The following TMEM38B variants were observed in gnomAD, a reference collection of about 807,000 sequenced individuals.
TMEM38B encodes the protein trimeric intracellular cation channel type B.
TMEM38B carries 24 observed loss-of-function variants against 28.7 expected under a neutral mutation model. The ratio of observed to expected loss-of-function variants is 0.84; its 90% confidence interval spans 0.61 to 1.18. TMEM38B has a LOEUF of 1.18. Ranked by LOEUF, TMEM38B falls within the 50% of genes most tolerant of loss-of-function variation. The probability of loss-of-function intolerance (pLI) is 0.00; values close to 1 mark genes in which losing one functional copy is unlikely to be tolerated. For synonymous variants in TMEM38B, 131 were observed against 127.7 expected, an observed-to-expected ratio of 1.03 and a Z score of -0.17; for missense variants, 380 against 350.9, an observed-to-expected ratio of 1.08 and a Z score of -0.66.
chr9:105,731,005 C>CAA (rs1564399333), intron 4 of TMEM38B, among the ~76,000 whole-genome samples: 1 of 151,880 alleles, frequency 6.6e-6, no homozygotes, highest in Non-Finnish European at 1.5e-5. Flanking sequence ...GTTATCTTTT[C>CAA]AAAAAACCAG....
intron 5 of TMEM38B, among the ~76,000 whole-genome samples, chr9:105,765,872 G>T (rs1352702206): frequency 2.0e-5 from 3 of 151,884 alleles, no homozygotes; most frequent in Non-Finnish European, 2.9e-5. Flanking sequence ...TGTGATCTTG[G>T]CTCACTGCAA....
chr9:105,738,299 C>A (rs1837059464), intron 4 of TMEM38B, among the ~76,000 whole-genome samples: 1 of 151,994 alleles, frequency 6.6e-6, no homozygotes, highest in Admixed American at 6.5e-5. Flanking sequence ...TTTACCTTTT[C>A]TTGGAAGAGA....
chr9:105,715,831 A>T (rs1390485170), intron 2 of TMEM38B, among the ~76,000 whole-genome samples: 1 of 151,996 alleles, frequency 6.6e-6, no homozygotes, highest in Non-Finnish European at 1.5e-5. Context: ...TTGAAATCAT[A>T]GTTTACAGTT....
chr9:105,694,547 G>A lies in TMEM38B; in HGVS notation c.-114G>A, dbSNP rs1305488305. ...GGCGCCAGGGCGCACGCGCGGAGCT[G>A]GAGCCGGCGCGGAGGAGCGGGCGGC... On this transcript the variant is annotated 5_prime_UTR_variant, in exon 1 of 6. Coordinates refer to ENST00000374692, the MANE Select transcript of TMEM38B (RefSeq NM_018112.3). The A allele has an allele frequency of 4.5e-6, 3 of 672,702 alleles. No homozygotes were observed. The highest frequency in any genetic ancestry group is 3.9e-5 in the African/African-American group (2 of 51,570). 41.7% of individuals were successfully genotyped at this position (672,702 alleles called of 1,614,324 possible). A position where few individuals can be genotyped will look rare whatever the true frequency, so the allele number is the denominator to read the frequency against.
intron 4 of TMEM38B, among the ~76,000 whole-genome samples, chr9:105,745,632 T>C (rs1218677524): frequency 6.6e-6 from 1 of 152,174 alleles, no homozygotes; most frequent in Non-Finnish European, 1.5e-5. Context: ...TTGCCATTGC[T>C]TTTGGTGTTT....
chr9:105,759,936 AAGC>A (rs1299738134), intron 5 of TMEM38B: 127 of 1,587,238 alleles, frequency 8.0e-5, no homozygotes, highest in Non-Finnish European at 1.0e-4. Flanking sequence ...ATGTTGGACA[AAGC>A]AGCACAAGTG....
intron 4 of TMEM38B, among the ~76,000 whole-genome samples, chr9:105,739,797 T>A (rs7868879): frequency 0.022 from 3,301 of 151,878 alleles, 112 homozygotes; most frequent in African/African-American, 0.076. Flanking sequence ...AATGTTGGGA[T>A]TATGGGCATG....
At chr9:105,765,250 A>T (rs1465720186) in intron 5 of TMEM38B, among the ~76,000 whole-genome samples, 5 of 152,250 alleles carry the variant, frequency 3.3e-5, no homozygotes, top group African/African-American at 1.2e-4. Flanking sequence ...AAAATGCTTT[A>T]GCAAAGTAGC....
chr9:105,758,219 C>T, intron 5 of TMEM38B: 1 of 660,156 alleles, frequency 1.5e-6, no homozygotes, highest in Non-Finnish European at 2.7e-6. Flanking sequence ...CTGGAATGCC[C>T]TTCAGGCGGG....
intron 5 of TMEM38B, among the ~76,000 whole-genome samples, chr9:105,761,173 A>G (rs1164240836): frequency 6.6e-6 from 1 of 152,204 alleles, no homozygotes; most frequent in African/African-American, 2.4e-5. Flanking sequence ...GTTTCTAAGT[A>G]TAAGAATGTG....
At chr9:105,716,661 C>G (rs372320136) in intron 2 of TMEM38B, among the ~76,000 whole-genome samples, 1 of 151,862 alleles carries the variant, frequency 6.6e-6, no homozygotes, top group African/African-American at 2.4e-5. Flanking sequence ...AGATTTTCTT[C>G]TGCCTCTGCC....
At chr9:105,753,241 C>T (rs192869917) in intron 5 of TMEM38B, among the ~76,000 whole-genome samples, 1 of 152,174 alleles carries the variant, frequency 6.6e-6, no homozygotes, top group Non-Finnish European at 1.5e-5. Flanking sequence ...GGAAAACATA[C>T]TTCAGGATAT....
chr9:105,705,899 G>A (rs1835643503), intron 2 of TMEM38B, 146 bp downstream of exon 2: 2 of 763,302 alleles, frequency 2.6e-6, no homozygotes, highest in Non-Finnish European at 2.0e-6. Context: ...ATAATGCTAA[G>A]GGGTTTTTTT....
chr9:105,774,022 A>G lies in TMEM38B; in HGVS notation c.818A>G (p.Lys273Arg), dbSNP rs146026425. Reference protein sequence around the residue: ...PSNGVGSLASKPVDVASDNVK... With the variant: ...PSNGVGSLASRPVDVASDNVK... ...AATGGCGTTGGGTCATTGGCCTCAA[A>G]GCCGGTAGATGTTGCCTCAGATAAT... Residue 273 changes from lysine (K) to arginine (R), a missense_variant, in exon 6 of 6, where the codon AAG (lysine) becomes AGG (arginine). Coordinates refer to ENST00000374692, the MANE Select transcript of TMEM38B (RefSeq NM_018112.3). 1.6e-4 allele frequency: 251 copies of G among 1,613,652 alleles called. No homozygotes were observed. Among genetic ancestry groups the G allele is most frequent in the Non-Finnish European group, 1.9e-4 (230 of 1,179,786 alleles).
At chr9:105,733,642 CTTTG>C (rs146661571) in intron 4 of TMEM38B, among the ~76,000 whole-genome samples, 2,274 of 151,906 alleles carry the variant, frequency 0.015, 64 homozygotes, top group African/African-American at 0.052. Flanking sequence ...ATTCCAGTCT[CTTTG>C]TTTGTTATTG....
At chr9:105,743,285 T>G (rs966119331) in intron 4 of TMEM38B, among the ~76,000 whole-genome samples, 1 of 152,190 alleles carries the variant, frequency 6.6e-6, no homozygotes, top group Non-Finnish European at 1.5e-5. Flanking sequence ...TTGTTGTAAT[T>G]TATTGCCATA....
intron 4 of TMEM38B, among the ~76,000 whole-genome samples, chr9:105,746,056 C>T (rs1041409215): frequency 1.8e-4 from 28 of 152,170 alleles, no homozygotes; most frequent in Non-Finnish European, 3.1e-4. Flanking sequence ...ATTGACTTGG[C>T]AATGCGGGCT....
At chr9:105,740,225 G>A (rs572705692) in intron 4 of TMEM38B, among the ~76,000 whole-genome samples, 4 of 148,062 alleles carry the variant, frequency 2.7e-5, no homozygotes, top group Non-Finnish European at 5.9e-5. Flanking sequence ...TAGTGTGCAA[G>A]TCTTCCACTT....
intron 5 of TMEM38B, among the ~76,000 whole-genome samples, chr9:105,762,123 T>A (rs1838075958): frequency 6.6e-6 from 1 of 152,118 alleles, no homozygotes. Context: ...CTATTCTCAT[T>A]TCTCAATATA....
Sources: gnomAD v4.1 joint callset for allele counts (sites outside exome capture counted in the v4.1 genomes callset) on GRCh38, gnomAD v4.1.1 for gene constraint, MANE v1.5 for transcripts, NCBI Gene and HGNC (gene_info 2026-07-23, HGNC 2026-07-21) for gene names.